Variants in AEBP2 observed in about 807,000 individuals in gnomAD.
AEBP2 encodes the protein AE binding protein 2.
In AEBP2, 10 loss-of-function variants were observed where a neutral mutation model predicts 50.8. The ratio of observed to expected loss-of-function variants is 0.20; its 90% CI spans 0.12 to 0.33. AEBP2 has a LOEUF of 0.33. AEBP2 is among the 10% of genes least tolerant of loss of function. The pLI is 1.00. For synonymous variants in AEBP2, 296 were observed against 261.3 expected, an observed-to-expected ratio of 1.13 and a Z score of -1.28; for missense variants, 570 against 688.0, an observed-to-expected ratio of 0.83 and a Z score of 1.92.
chr12:19,509,203 GA>G, intron 5 of AEBP2: 1 of 382,890 alleles, frequency 2.6e-6, no homozygotes. Context: ...TTAAGGAGTA[GA>G]AAATTGGGGT....
chr12:19,449,591 T>A (rs955226589), intron 1 of AEBP2, among the ~76,000 whole-genome samples: 28 of 152,180 alleles, frequency 1.8e-4, no homozygotes, highest in African/African-American at 6.3e-4. Context: ...TGCTGCTGGG[T>A]CTTCAGGAAA....
intron 1 of AEBP2, among the ~76,000 whole-genome samples, chr12:19,449,370 T>C (rs2153367699): frequency 6.6e-6 from 1 of 152,332 alleles, no homozygotes; most frequent in Non-Finnish European, 1.5e-5. Flanking sequence ...GGAATGTTTC[T>C]AGTGTTTGTG....
At chr12:19,445,702 A>G (rs560659769) in intron 1 of AEBP2, among the ~76,000 whole-genome samples, 132 of 152,362 alleles carry the variant, frequency 8.7e-4, no homozygotes, top group African/African-American at 3.0e-3. Context: ...GATGTATGAC[A>G]AGAGTCTGCA....
intron 1 of AEBP2, among the ~76,000 whole-genome samples, chr12:19,445,481 C>T (rs774498934): frequency 2.6e-5 from 4 of 151,728 alleles, no homozygotes; most frequent in South Asian, 2.1e-4. Context: ...CCCAAAGTGC[C>T]GGGATTATGG....
chr12:19,423,773 G>A (rs1425671171), intron 1 of AEBP2, among the ~76,000 whole-genome samples: 2 of 152,044 alleles, frequency 1.3e-5, no homozygotes, highest in Non-Finnish European at 2.9e-5. Flanking sequence ...CCCCCGAGAC[G>A]GAGGCTGCAG....
At chr12:19,470,450 C>T (rs1207514944) in intron 2 of AEBP2, among the ~76,000 whole-genome samples, 1 of 152,198 alleles carries the variant, frequency 6.6e-6, no homozygotes. Context: ...AGCCATTACA[C>T]CAGGCCTTTT....
chr12:19,460,744 T>G (rs1235593021), intron 1 of AEBP2, among the ~76,000 whole-genome samples: 1 of 150,196 alleles, frequency 6.7e-6, no homozygotes, highest in Non-Finnish European at 1.5e-5. Context: ...AGTCTCCGCC[T>G]CCTGGGTTCA....
chr12:19,433,987 C>T (rs1047420363), intron 1 of AEBP2, among the ~76,000 whole-genome samples: 3 of 151,834 alleles, frequency 2.0e-5, no homozygotes, highest in Admixed American at 6.6e-5. Context: ...GCCGGGACTA[C>T]AGGCACACGC....
At chr12:19,518,026 T>C in intron 7 of AEBP2, 61 bp from the exon 8 acceptor site, 1 of 1,464,498 alleles carries the variant, frequency 6.8e-7, no homozygotes, top group African/African-American at 1.4e-5. Flanking sequence ...TAATGTCTCT[T>C]GAAGCACTCA....
intron 5 of AEBP2, among the ~76,000 whole-genome samples, chr12:19,512,004 A>T (rs983185420): frequency 2.6e-5 from 4 of 152,020 alleles, no homozygotes; most frequent in African/African-American, 9.7e-5. Flanking sequence ...CAGGGTATGA[A>T]CACTTAAGTT....
chr12:19,462,361 CATT>C (rs1948394979), intron 1 of AEBP2, 146 bp from the exon 2 acceptor site: 8 of 641,112 alleles, frequency 1.2e-5, no homozygotes, highest in Admixed American at 9.0e-5. Context: ...AATTTAAAAG[CATT>C]GTTGTTTTCT....
chr12:19,464,529 A>G (rs1296871585), intron 2 of AEBP2, among the ~76,000 whole-genome samples: 2 of 152,150 alleles, frequency 1.3e-5, no homozygotes, highest in African/African-American at 4.8e-5. Flanking sequence ...CCAGATTTGT[A>G]GAAAAAATGC....
At chr12:19,453,624 A>T (rs894241299) in intron 1 of AEBP2, among the ~76,000 whole-genome samples, 2 of 151,042 alleles carry the variant, frequency 1.3e-5, no homozygotes, top group African/African-American at 4.9e-5. Context: ...GGGTTTTGCC[A>T]TGTTGGCTAG....
At chr12:19,460,700 G>C (rs891684628) in intron 1 of AEBP2, among the ~76,000 whole-genome samples, 9 of 150,544 alleles carry the variant, frequency 6.0e-5, no homozygotes, top group African/African-American at 2.0e-4. Flanking sequence ...TGTCGCCCAG[G>C]TTGGAGTCCA....
intron 3 of AEBP2, among the ~76,000 whole-genome samples, chr12:19,493,002 A>G (rs892555537): frequency 1.3e-5 from 2 of 152,162 alleles, no homozygotes; most frequent in Non-Finnish European, 2.9e-5. Context: ...AAAATACAAA[A>G]TACATTAAAA....
intron 1 of AEBP2, among the ~76,000 whole-genome samples, chr12:19,449,929 T>A (rs1359351361): frequency 6.6e-6 from 1 of 152,220 alleles, no homozygotes; most frequent in East Asian, 1.9e-4. Context: ...TGGCTACAAA[T>A]TAACTGGATC....
intron 3 of AEBP2, among the ~76,000 whole-genome samples, chr12:19,490,944 C>T (rs1400523309): frequency 1.3e-5 from 2 of 152,162 alleles, no homozygotes; most frequent in African/African-American, 4.8e-5. Context: ...CTGAATTGTA[C>T]ACTTTCAAAT....
chr12:19,517,967 T>A (rs1949344480), intron 7 of AEBP2, 120 bp from the exon 8 acceptor site: 1 of 937,498 alleles, frequency 1.1e-6, no homozygotes. Flanking sequence ...GAAATACATT[T>A]TTATTATAAT....
chr12:19,449,400 G>A (rs1186054088), intron 1 of AEBP2, among the ~76,000 whole-genome samples: 2 of 152,170 alleles, frequency 1.3e-5, no homozygotes, highest in African/African-American at 4.8e-5. Context: ...ATTGCTGGCT[G>A]ATATTTTAAG....
Sources: allele counts gnomAD v4.1 joint callset (sites outside exome capture counted in the v4.1 genomes callset), GRCh38; gene constraint gnomAD v4.1.1; transcripts MANE v1.5; gene names NCBI Gene and HGNC (gene_info 2026-07-23, HGNC 2026-07-21).